Variants in PLEKHA4 observed in about 807,000 individuals in gnomAD.
PLEKHA4 encodes the protein pleckstrin homology domain containing A4, also known as pleckstrin homology domain-containing family A member 4.
Under a neutral mutation model 94.7 loss-of-function variants are expected in PLEKHA4, and 73 were observed. The observed-to-expected ratio is 0.77, with a 90% CI of 0.64 to 0.94. PLEKHA4 has a LOEUF of 0.94. Among genes scored for constraint, PLEKHA4 ranks in the 40% least tolerant of loss-of-function variants. The probability of loss-of-function intolerance (pLI) is 0.00; values close to 1 mark genes in which losing one functional copy is unlikely to be tolerated. For missense variants in PLEKHA4, 1,049 were observed against 1,054.1 expected, an observed-to-expected ratio of 1.00 and a Z score of 0.07; for synonymous variants, 449 against 437.1, an observed-to-expected ratio of 1.03 and a Z score of -0.34.
chr19:48,854,337 G>T, intron 9 of PLEKHA4, 73 bp from the exon 10 acceptor site: 1 of 1,334,980 alleles, frequency 7.5e-7, no homozygotes, highest in Non-Finnish European at 1.1e-6. Context: ...GCTGAGCCAC[G>T]CCCTGTCTCT....
chr19:48,838,045 C>G lies in PLEKHA4; in HGVS notation c.2049G>C (p.Glu683Asp), dbSNP rs547665388. ...VLSLSQALAT[E>D]ASQWHRMMTG... is the part of the protein sequence containing the mutation. ...TCATCATTCTGTGCCACTGCGACGC[C>G]TCAGTAGCCAGGGCTTGGGAGAGGC... is the stretch of plus-strand genomic sequence containing the variant. The change falls in exon 19 of 20, where the codon GAG (glutamate) becomes GAC (aspartate). Residue 683 changes from glutamate to aspartate, a missense_variant. By Grantham distance (45) the Glu-to-Asp change is conservative (BLOSUM62 2). Transcript: ENST00000263265. The G allele has an allele frequency of 2.9e-5, 47 of 1,613,788 alleles. No homozygotes were observed. In the South Asian group the frequency reaches 5.2e-4, roughly 18 times the overall value.
Position 48,861,685 on chromosome 19 carries a change from G to C in PLEKHA4, c.200C>G (p.Ser67Trp), listed in dbSNP as rs778302948. 1.2e-6 allele frequency: 2 copies of C among 1,613,860 alleles called. No homozygotes were observed. The highest frequency in any genetic ancestry group is 1.7e-5 in the Admixed American group (1 of 59,992). Residue 67 changes from serine (S) to tryptophan (W), a missense_variant, in exon 4 of 20, where the codon TCG becomes TGG. Ser to Trp is a radical substitution (Grantham distance 177, BLOSUM62 -3). Coordinates refer to ENST00000263265, the MANE Select transcript of PLEKHA4 (RefSeq NM_020904.3). Reference sequence around the variant, plus strand: ...GCGGCGTTTCCAGAGACGGAGCCCCGAGCTGTCCTGGGGAGAGAGATGGGA... The same window carrying C: ...GCGGCGTTTCCAGAGACGGAGCCCCCAGCTGTCCTGGGGAGAGAGATGGGA... ...IRGWLHKQDS[S>W]GLRLWKRRWF...
chr19:48,841,190 TC>T lies in PLEKHA4; in HGVS notation c.1863del (p.Thr622HisfsTer17). 1.2e-6 allele frequency: 2 copies of T among 1,612,508 alleles called. No homozygotes were observed. The highest frequency in any genetic ancestry group is 1.7e-6 in the Non-Finnish European group (2 of 1,179,444). On this transcript the variant is annotated frameshift_variant, in exon 17 of 20. Coordinates refer to ENST00000263265, the MANE Select transcript of PLEKHA4 (RefSeq NM_020904.3). LOFTEE classifies it high-confidence loss of function. The stretch of plus-strand genomic sequence containing the variant: ...GGCTGGCGTCTGGCTGGGGACAGTG[TC>T]CTTCCCAGGGTGAGAAGCCGGGGGG... ...PTSPRLLTLG[R>X]TLSPARRQPD...
At chr19:48,843,913 A>C (rs4801777) in intron 16 of PLEKHA4, among the ~76,000 whole-genome samples, 37,196 of 150,246 alleles carry the variant, frequency 0.25, 4,663 homozygotes, top group South Asian at 0.29. Flanking sequence ...CCGCCTCGGC[A>C]TCCCAAAGTG....
Position 48,839,202 on chromosome 19 carries a change from T to C in PLEKHA4, c.1964+3A>G, listed in dbSNP as rs765039467. The C allele has an allele frequency of 1.9e-6, 3 of 1,584,890 alleles. No homozygotes were observed. Among genetic ancestry groups the C allele is most frequent in the Non-Finnish European group, 2.6e-6 (3 of 1,163,584 alleles). Reference sequence around the variant, plus strand: ...TCCCTTGATACGCCCTCCAGTTCCTTACCTACTCCAGGACCCAGAGCTTCT... The same window carrying C: ...TCCCTTGATACGCCCTCCAGTTCCTCACCTACTCCAGGACCCAGAGCTTCT... On this transcript the variant is annotated splice_donor_region_variant and intron_variant, in intron 18 of 19. Coordinates refer to ENST00000263265, the MANE Select transcript of PLEKHA4 (RefSeq NM_020904.3).
At chr19:48,855,962 C>G (rs1363084530) in intron 9 of PLEKHA4, among the ~76,000 whole-genome samples, 1 of 148,028 alleles carries the variant, frequency 6.8e-6, no homozygotes, top group East Asian at 2.1e-4. Context: ...CACCTGAGGT[C>G]GGGAGTTCAA....
intron 9 of PLEKHA4, among the ~76,000 whole-genome samples, chr19:48,855,704 G>A (rs556590697): frequency 6.5e-4 from 99 of 151,966 alleles, no homozygotes; most frequent in African/African-American, 2.2e-3. Flanking sequence ...TGGGAGTATC[G>A]CTTGGGCCCA....
At chr19:48,848,142 A>G (rs2036038763) in intron 13 of PLEKHA4, 102 bp from the exon 14 acceptor site, 1 of 1,272,502 alleles carries the variant, frequency 7.9e-7, no homozygotes, top group Non-Finnish European at 1.1e-6. Context: ...GGCTATATTT[A>G]TGGAGTTGGG....
chr19:48,854,235 G>T lies in PLEKHA4; in HGVS notation c.1077C>A (p.His359Gln), dbSNP rs773039846. The change falls in exon 10 of 20, where the codon CAC (histidine) becomes CAA (glutamine). Residue 359 changes from histidine (H) to glutamine (Q), a missense_variant. His to Gln is a conservative substitution (Grantham distance 24, BLOSUM62 0). Coordinates refer to ENST00000263265, the MANE Select transcript of PLEKHA4 (RefSeq NM_020904.3). Reference sequence around the variant, plus strand: ...AACTTACATCTGTCTCCAAGCTTTGGTGGAAAGTTGACTCCAGGGGAGGAC... The same window carrying T: ...AACTTACATCTGTCTCCAAGCTTTGTTGGAAAGTTGACTCCAGGGGAGGAC... ...LPGPPLESTF[H>Q]QSLETDTLLT... The T allele has an allele frequency of 1.2e-6, 2 of 1,614,036 alleles. No individual in the cohort carries two copies. The highest frequency in any genetic ancestry group is 1.7e-6 in the Non-Finnish European group (2 of 1,180,026).
At position 48,866,337 on chromosome 19, in the gene PLEKHA4, C is replaced by T. The variant is rs150708987; in HGVS notation, c.85-727G>A. On this transcript the variant is annotated intron_variant, in intron 2 of 19. Coordinates refer to ENST00000263265, the MANE Select transcript of PLEKHA4 (RefSeq NM_020904.3). ...TTCTTTTTCTTTTGAGACAGAGTCT[C>T]GCTCTGTCCCCCAGGCTGGAGCACA... 3.9e-5 allele frequency among the ~76,000 whole-genome samples: 6 copies of T among 152,006 alleles called. No homozygotes were observed. In the East Asian group the frequency reaches 7.8e-4, roughly 20 times the overall value.
chr19:48,843,778 C>T (rs1335692509), intron 16 of PLEKHA4, among the ~76,000 whole-genome samples: 3 of 152,070 alleles, frequency 2.0e-5, no homozygotes, highest in African/African-American at 7.2e-5. Context: ...CTGTCTCAGC[C>T]TCCTAAGTAG....
At chr19:48,865,766 G>C (rs1399948799) in intron 2 of PLEKHA4, among the ~76,000 whole-genome samples, 156 bp from the exon 3 acceptor site, 4 of 152,230 alleles carry the variant, frequency 2.6e-5, no homozygotes, top group South Asian at 4.1e-4. Flanking sequence ...TGTAATCCCA[G>C]CACTTTCGGA....
chr19:48,861,438 C>T lies in PLEKHA4; in HGVS notation c.329G>A (p.Gly110Glu), dbSNP rs201822487. ...LLPSYNIRPD[G>E]PGAPRGRRFT... ...GCGCCGCCCTCGGGGGGCTCCCGGC[C>T]CATCTGGTCTAATATTGTAGCTGGG... The change falls in exon 5 of 20, where the codon GGG (glycine) becomes GAG (glutamate). Residue 110 changes from glycine to glutamate, a missense_variant. Transcript: ENST00000263265. The T allele has an allele frequency of 5.3e-5, 86 of 1,614,064 alleles. No individual in the cohort carries two copies. In the Middle Eastern group the frequency reaches 1.3e-3, roughly 25 times the overall value.
chr19:48,865,689 C>A, intron 2 of PLEKHA4, 79 bp from the exon 3 acceptor site: 1 of 971,534 alleles, frequency 1.0e-6, no homozygotes, highest in Non-Finnish European at 1.6e-6. Flanking sequence ...ACACAGGCAA[C>A]CGTAGGCTCT....
intron 8 of PLEKHA4, 60 bp downstream of exon 8, chr19:48,858,800 A>G: frequency 6.3e-7 from 1 of 1,590,234 alleles, no homozygotes; most frequent in Non-Finnish European, 8.6e-7. Context: ...GAGAATACGG[A>G]AAGACAGCCC....
At chr19:48,857,638 C>T in intron 8 of PLEKHA4, 142 bp from the exon 9 acceptor site, 2 of 612,216 alleles carry the variant, frequency 3.3e-6, no homozygotes, top group Middle Eastern at 4.2e-4. Context: ...CTCTCTGAAA[C>T]ATGTGCTGTG....
chr19:48,838,862 G>C (rs2035645160), intron 18 of PLEKHA4, among the ~76,000 whole-genome samples: 1 of 152,032 alleles, frequency 6.6e-6, no homozygotes, highest in Non-Finnish European at 1.5e-5. Flanking sequence ...TCTGGGAGTT[G>C]TAGTTCCTAG....
At chr19:48,857,029 T>G (rs1030315523) in intron 9 of PLEKHA4, among the ~76,000 whole-genome samples, 5 of 151,424 alleles carry the variant, frequency 3.3e-5, no homozygotes, top group Non-Finnish European at 7.4e-5. Context: ...TAGGAGGAGA[T>G]GGACAGCAAC....
intron 3 of PLEKHA4, among the ~76,000 whole-genome samples, chr19:48,862,238 T>C (rs2036671679): frequency 6.7e-6 from 1 of 149,726 alleles, no homozygotes; most frequent in Non-Finnish European, 1.5e-5. Context: ...TCTTGCTCTG[T>C]AGCTTAAGCT....
Sources: gnomAD v4.1 joint callset for allele counts (sites outside exome capture counted in the v4.1 genomes callset) on GRCh38, gnomAD v4.1.1 for gene constraint, MANE v1.5 for transcripts, NCBI Gene and HGNC (gene_info 2026-07-23, HGNC 2026-07-21) for gene names.